The following TRIM44 variants were observed in gnomAD, a reference collection of about 807,000 sequenced individuals.
The protein encoded by TRIM44 is tripartite motif containing 44.
Under a neutral mutation model 37.4 loss-of-function variants are expected in TRIM44, and 13 were observed. That is an observed-to-expected ratio of 0.35 (90% CI 0.23 to 0.55). The LOEUF is 0.55. Ranked by LOEUF, TRIM44 falls within the 20% of genes least tolerant of loss-of-function variation. The pLI is 0.89. For missense variants in TRIM44, 426 were observed against 437.2 expected, an observed-to-expected ratio of 0.97 and a Z score of 0.23; for synonymous variants, 175 against 157.2, an observed-to-expected ratio of 1.11 and a Z score of -0.85.
Position 35,796,453 on chromosome 11 carries a change from T to C in TRIM44, c.1008-9905T>C, listed in dbSNP as rs190423288. Among the ~76,000 whole-genome samples, 246 of 152,334 alleles carry C rather than the reference T, an allele frequency of 1.6e-3. 2 individuals are homozygous for C. Among genetic ancestry groups the C allele is most frequent in the African/African-American group, 5.7e-3 (235 of 41,584 alleles). Reference sequence around the variant, plus strand: ...ATTTTATTAAATCTTATGTTTAAGATTTCTATGGAAGGAAACTGCTTGAGA... The same window carrying C: ...ATTTTATTAAATCTTATGTTTAAGACTTCTATGGAAGGAAACTGCTTGAGA... On this transcript the variant is annotated intron_variant, in intron 4 of 4. Coordinates refer to ENST00000299413, the MANE Select transcript of TRIM44 (RefSeq NM_017583.6).
chr11:35,677,968 A>G (rs889731984), intron 1 of TRIM44, among the ~76,000 whole-genome samples: 1 of 152,202 alleles, frequency 6.6e-6, no homozygotes, highest in African/African-American at 2.4e-5. Context: ...GCCAGTGATG[A>G]GAAGCTCTAG....
intron 4 of TRIM44, among the ~76,000 whole-genome samples, chr11:35,759,449 C>G (rs1461245457): frequency 1.3e-5 from 2 of 152,172 alleles, no homozygotes; most frequent in African/African-American, 4.8e-5. Flanking sequence ...GTTCGAACTT[C>G]TTCCTTTAGC....
chr11:35,765,000 T>C (rs774330628), intron 4 of TRIM44, among the ~76,000 whole-genome samples: 1 of 152,178 alleles, frequency 6.6e-6, no homozygotes, highest in African/African-American at 2.4e-5. Flanking sequence ...ACTTTTCAAC[T>C]GGAAAGTACT....
chr11:35,811,831 G>A lies in TRIM44; in HGVS notation c.*5446G>A, dbSNP rs1853530207. 1 of 152,044 alleles carries A rather than the reference G, an allele frequency of 6.6e-6. No homozygotes were observed. The highest frequency in any genetic ancestry group is 2.1e-4 in the South Asian group (1 of 4,824). 9.4% of individuals were successfully genotyped at this position (152,044 alleles called of 1,614,324 possible). On this transcript the variant is annotated 3_prime_UTR_variant, in exon 5 of 5. Coordinates refer to ENST00000299413, the MANE Select transcript of TRIM44 (RefSeq NM_017583.6). ...CCTTTTAGTTAGCTAGGGACTGTGT[G>A]AGAACCTTGAGAAAATTGTCCAAGA...
In TRIM44 at chr11:35,789,297, G is replaced by C. The variant is rs572014533; in HGVS notation, c.1008-17061G>C. ...ATTGTTCTATATTAAACTTGAGTCTGATTGGGACTGAGAATGTGAGAGCCT... is the reference window on the plus strand; with the variant it reads ...ATTGTTCTATATTAAACTTGAGTCTCATTGGGACTGAGAATGTGAGAGCCT... On this transcript the variant is annotated intron_variant, in intron 4 of 4. Coordinates refer to ENST00000299413, the MANE Select transcript of TRIM44 (RefSeq NM_017583.6). 1.1e-4 allele frequency among the ~76,000 whole-genome samples: 16 copies of C among 152,246 alleles called. No individual in the cohort carries two copies. The South Asian group carries it at 3.3e-3, about 32-fold the overall frequency.
At chr11:35,756,421 T>A (rs1280185078) in intron 4 of TRIM44, among the ~76,000 whole-genome samples, 1 of 152,198 alleles carries the variant, frequency 6.6e-6, no homozygotes, top group Admixed American at 6.5e-5. Flanking sequence ...ACGATGGGGT[T>A]TTCTAGATAT....
intron 4 of TRIM44, among the ~76,000 whole-genome samples, chr11:35,779,873 A>ATT (rs11440904): frequency 0.012 from 1,654 of 136,514 alleles, 13 homozygotes; most frequent in Non-Finnish European, 0.014. Context: ...CCCTTTGCCT[A>ATT]TTTTTTTTTT....
chr11:35,752,062 G>C (rs570938890), intron 4 of TRIM44, among the ~76,000 whole-genome samples: 2 of 152,044 alleles, frequency 1.3e-5, no homozygotes, highest in South Asian at 4.2e-4. Flanking sequence ...TTTCTCCTCT[G>C]TCCTCCAAAT....
At chr11:35,672,182 T>A (rs1174817649) in intron 1 of TRIM44, among the ~76,000 whole-genome samples, 1 of 152,222 alleles carries the variant, frequency 6.6e-6, no homozygotes, top group Non-Finnish European at 1.5e-5. Flanking sequence ...GAACACAACC[T>A]ACAGTAGAGG....
intron 3 of TRIM44, among the ~76,000 whole-genome samples, chr11:35,732,315 A>C (rs1852271794): frequency 6.6e-6 from 1 of 152,308 alleles, no homozygotes; most frequent in East Asian, 1.9e-4. Flanking sequence ...ATCAGATATC[A>C]CAAAGAGCAT....
At chr11:35,706,635 C>T (rs1218401324) in intron 2 of TRIM44, among the ~76,000 whole-genome samples, 2 of 151,988 alleles carry the variant, frequency 1.3e-5, no homozygotes, top group African/African-American at 4.8e-5. Context: ...TGTAATCTAG[C>T]ATATAAACAG....
At chr11:35,737,109 T>A (rs989784803) in intron 4 of TRIM44, among the ~76,000 whole-genome samples, 3 of 151,982 alleles carry the variant, frequency 2.0e-5, no homozygotes, top group Admixed American at 2.0e-4. Flanking sequence ...CCAGAAAAGG[T>A]TATATATAAA....
intron 4 of TRIM44, among the ~76,000 whole-genome samples, chr11:35,742,007 C>T (rs373796151): frequency 3.3e-5 from 5 of 151,956 alleles, no homozygotes; most frequent in Non-Finnish European, 7.4e-5. Flanking sequence ...CACAGCTCAC[C>T]GCAGCCTCAA....
At chr11:35,730,878 G>A (rs1852249131) in intron 3 of TRIM44, among the ~76,000 whole-genome samples, 1 of 142,874 alleles carries the variant, frequency 7.0e-6, no homozygotes, top group Admixed American at 7.1e-5. Flanking sequence ...TTGAGACGGA[G>A]GTTTGCTGTC....
intron 4 of TRIM44, among the ~76,000 whole-genome samples, chr11:35,746,395 G>A (rs919877031): frequency 8.6e-5 from 13 of 151,500 alleles, no homozygotes; most frequent in Non-Finnish European, 1.6e-4. Flanking sequence ...CCAGTGAGAG[G>A]CAGGCAAGAG....
intron 4 of TRIM44, among the ~76,000 whole-genome samples, chr11:35,803,722 A>C (rs1853400713): frequency 6.6e-6 from 1 of 152,188 alleles, no homozygotes; most frequent in South Asian, 2.1e-4. Context: ...CTCCATCTCA[A>C]ATATAAATAA....
intron 2 of TRIM44, among the ~76,000 whole-genome samples, chr11:35,725,066 T>TCACACACACACACACACA: frequency 7.1e-6 from 1 of 141,164 alleles, no homozygotes. Context: ...ATGCACACAC[T>TCACACACACACACACACA]CACACACACA....
chr11:35,787,369 A>G (rs1332195472), intron 4 of TRIM44, among the ~76,000 whole-genome samples: 1 of 152,210 alleles, frequency 6.6e-6, no homozygotes, highest in African/African-American at 2.4e-5. Flanking sequence ...GAGCAGCTAC[A>G]GTACATTTCC....
chr11:35,675,057 T>C (rs1291461577), intron 1 of TRIM44, among the ~76,000 whole-genome samples: 1 of 152,216 alleles, frequency 6.6e-6, no homozygotes, highest in Non-Finnish European at 1.5e-5. Context: ...TACTATGTCA[T>C]GTTATTTCTT....
Sources: gnomAD v4.1 joint callset for allele counts (sites outside exome capture counted in the v4.1 genomes callset) on GRCh38, gnomAD v4.1.1 for gene constraint, MANE v1.5 for transcripts, NCBI Gene and HGNC (gene_info 2026-07-23, HGNC 2026-07-21) for gene names.